GRIN2A: variants seen among roughly 807,000 people sequenced by gnomAD.
GRIN2A encodes glutamate receptor ionotropic, NMDA 2A.
GRIN2A carries 22 observed loss-of-function variants against 113.4 expected under a neutral mutation model. The observed-to-expected ratio is 0.19, with a 90% CI of 0.14 to 0.28. GRIN2A has a LOEUF of 0.28. GRIN2A is among the 10% of genes least tolerant of loss of function. GRIN2A has a pLI of 1.00. For missense variants in GRIN2A, 1,502 were observed against 1,887.0 expected (o/e 0.80, Z 3.78); for synonymous variants, 827 against 738.4 (o/e 1.12, Z -1.94).
intron 3 of GRIN2A, among the ~76,000 whole-genome samples, chr16:9,935,997 C>T (rs1425820660): frequency 6.6e-6 from 1 of 152,170 alleles, no homozygotes; most frequent in Non-Finnish European, 1.5e-5. Flanking sequence ...CTACCACACC[C>T]AGCCTGCTGA....
intron 4 of GRIN2A, among the ~76,000 whole-genome samples, chr16:9,850,532 A>T (rs973524126): frequency 6.6e-6 from 1 of 152,190 alleles, no homozygotes; most frequent in Non-Finnish European, 1.5e-5. Flanking sequence ...GAGAAAGAAG[A>T]AAAAGGTGCT....
At chr16:10,127,911 G>GA (rs35688978) in intron 2 of GRIN2A, among the ~76,000 whole-genome samples, 116,575 of 151,900 alleles carry the variant, frequency 0.77, 45,358 homozygotes, top group East Asian at 0.95. Flanking sequence ...TTTGCTTGTG[G>GA]GGGCCTTGGG....
chr16:10,039,808 G>GGGGAGAGA (rs1555469298), intron 2 of GRIN2A, among the ~76,000 whole-genome samples: 1 of 63,824 alleles, frequency 1.6e-5, no homozygotes, highest in Non-Finnish European at 2.9e-5. Context: ...GGGAGGGGGG[G>GGGGAGAGA]GAGAAAGAGA....
At chr16:9,997,435 T>G (rs2046245851) in intron 2 of GRIN2A, among the ~76,000 whole-genome samples, 1 of 152,238 alleles carries the variant, frequency 6.6e-6, no homozygotes, top group African/African-American at 2.4e-5. Flanking sequence ...CCTTCTGTTT[T>G]TCCTTTCTTT....
intron 11 of GRIN2A, among the ~76,000 whole-genome samples, chr16:9,770,750 CT>C (rs1901220834): frequency 6.6e-6 from 1 of 152,160 alleles, no homozygotes; most frequent in African/African-American, 2.4e-5. Flanking sequence ...AATATTACTT[CT>C]CCCTATCATA....
rs2048014591 is a variant in GRIN2A at position 10,083,065 on chromosome 16, G to A, written c.414+96933C>T. ...TCAGTGAGCATAGGAAGAGGAACAAGTTTCTCTTTGCAAAAACATAAAAAA... is the reference window on the plus strand; with the variant it reads ...TCAGTGAGCATAGGAAGAGGAACAAATTTCTCTTTGCAAAAACATAAAAAA... On this transcript the variant is annotated intron_variant, in intron 2 of 12. Transcript: ENST00000330684. Among the ~76,000 whole-genome samples, 3 of 152,146 alleles carry A rather than the reference G, an allele frequency of 2.0e-5. No homozygotes were observed. The South Asian group carries it at 6.2e-4, about 32-fold the overall frequency.
intron 2 of GRIN2A, chr16:10,112,688 G>C (rs1378386193): frequency 6.6e-6 from 5 of 752,878 alleles, no homozygotes; most frequent in South Asian, 1.3e-5. Context: ...GGGAAAAGGT[G>C]AATATTGTGC....
chr16:9,896,424 T>G (rs1007906055), intron 3 of GRIN2A, among the ~76,000 whole-genome samples: 1 of 152,242 alleles, frequency 6.6e-6, no homozygotes, highest in African/African-American at 2.4e-5. Context: ...TAAAATCTCC[T>G]TCTTTAATTT....
Position 10,089,391 on chromosome 16 carries a change from T to C in GRIN2A, c.414+90607A>G, listed in dbSNP as rs894553835. On this transcript the variant is annotated intron_variant, in intron 2 of 12. Transcript: ENST00000330684. ...TGTGCAATTTTTTGTATGTCAACTA[T>C]ACCTCAAAGCTTTATAAAATAAGCA... Among the ~76,000 whole-genome samples, 3 of 152,292 alleles carry C rather than the reference T, an allele frequency of 2.0e-5. No homozygotes were observed. The East Asian group carries it at 5.8e-4, about 29-fold the overall frequency.
In GRIN2A at chr16:9,760,366, A is replaced by G. The variant is rs1024981523; in HGVS notation, c.*2783T>C. On this transcript the variant is annotated 3_prime_UTR_variant, in exon 13 of 13. Transcript: ENST00000330684. ...TTCCTTAGAAATTGACCATCTGATC[A>G]GTAGTTGATTTTTTTTTTTTTTTTT... 1 of 148,780 alleles carries G rather than the reference A, an allele frequency of 6.7e-6. No homozygotes were observed. The highest frequency in any genetic ancestry group is 1.3e-5 in the Non-Finnish European group (1 of 76,822). The allele number at this position is 148,780 out of a possible 1,614,324, so 9.2% of individuals were successfully genotyped here.
chr16:10,132,494 T>C (rs985889350), intron 2 of GRIN2A, among the ~76,000 whole-genome samples: 6 of 152,182 alleles, frequency 3.9e-5, no homozygotes, highest in African/African-American at 1.4e-4. Context: ...ACGTCAAATG[T>C]AAAGCCACAC....
intron 3 of GRIN2A, among the ~76,000 whole-genome samples, chr16:9,909,582 C>T (rs921115611): frequency 6.6e-6 from 1 of 152,136 alleles, no homozygotes; most frequent in Non-Finnish European, 1.5e-5. Flanking sequence ...GCTGTCATAT[C>T]AGATAGCTTA....
chr16:10,019,519 C>G (rs837705), intron 2 of GRIN2A, among the ~76,000 whole-genome samples: 2 of 152,102 alleles, frequency 1.3e-5, no homozygotes, highest in African/African-American at 4.8e-5. Context: ...ATTTTAATGA[C>G]AAGATAAAAC....
At chr16:9,827,489 G>C (rs961793598) in intron 9 of GRIN2A, among the ~76,000 whole-genome samples, 1 of 152,232 alleles carries the variant, frequency 6.6e-6, no homozygotes, top group Non-Finnish European at 1.5e-5. Flanking sequence ...GTCCCGTCCT[G>C]CAGGGAGCTC....
chr16:10,098,054 A>T (rs1351551952), intron 2 of GRIN2A, among the ~76,000 whole-genome samples: 1 of 152,194 alleles, frequency 6.6e-6, no homozygotes, highest in Non-Finnish European at 1.5e-5. Context: ...CAAAGGACTA[A>T]TATCTAGAAT....
chr16:10,096,754 A>G (rs949915037), intron 2 of GRIN2A, among the ~76,000 whole-genome samples: 3 of 151,796 alleles, frequency 2.0e-5, no homozygotes, highest in African/African-American at 4.8e-5. Context: ...TGTGCCACAT[A>G]CCCCATTCTC....
At chr16:10,095,954 T>A (rs2048282318) in intron 2 of GRIN2A, among the ~76,000 whole-genome samples, 1 of 152,212 alleles carries the variant, frequency 6.6e-6, no homozygotes, top group Non-Finnish European at 1.5e-5. Flanking sequence ...CTTTCTACTA[T>A]TCTTTCAACT....
intron 2 of GRIN2A, among the ~76,000 whole-genome samples, chr16:9,977,596 A>G (rs186364111): frequency 1.1e-4 from 16 of 152,310 alleles, no homozygotes; most frequent in African/African-American, 3.6e-4. Flanking sequence ...TGAGAGTGGA[A>G]GGCAGAGCTC....
chr16:9,755,686 G>A lies in GRIN2A; in HGVS notation c.*7463C>T, dbSNP rs567244611. 1 of 204,336 alleles carries A rather than the reference G, an allele frequency of 4.9e-6. No individual in the cohort carries two copies. The highest frequency in any genetic ancestry group is 1.0e-5 in the Non-Finnish European group (1 of 99,408). The allele number at this position is 204,336 out of a possible 1,614,324, so 12.7% of individuals were successfully genotyped here. A position where few individuals can be genotyped will look rare whatever the true frequency, so the allele number is the denominator to read the frequency against. On this transcript the variant is annotated 3_prime_UTR_variant, in exon 13 of 13. Transcript: ENST00000330684. ...GAGAGGGGGGAATGCAGGAAAGGCA[G>A]TGTGTGCTCAGGGGCATGCCTGCAG...
Sources: gnomAD v4.1 joint callset for allele counts (sites outside exome capture counted in the v4.1 genomes callset) on GRCh38, gnomAD v4.1.1 for gene constraint, MANE v1.5 for transcripts, NCBI Gene and HGNC (gene_info 2026-07-23, HGNC 2026-07-21) for gene names.